The following DCC variants were observed in gnomAD, a reference collection of about 807,000 sequenced individuals.
The protein encoded by DCC is DCC netrin 1 receptor.
In DCC, 58 loss-of-function variants were observed where a neutral mutation model predicts 172.5. The observed-to-expected ratio is 0.34, with a 90% CI of 0.27 to 0.42. The LOEUF is 0.42. DCC is among the 10% of genes least tolerant of loss of function. The pLI, the probability that DCC is intolerant of heterozygous loss-of-function variation, is 1.00. For synonymous variants in DCC, 709 were observed against 644.5 expected, an observed-to-expected ratio of 1.10 and a Z score of -1.52; for missense variants, 1,740 against 1,791.0, an observed-to-expected ratio of 0.97 and a Z score of 0.51.
chr18:53,178,535 G>A (rs1174816773), intron 8 of DCC, among the ~76,000 whole-genome samples: 1 of 152,088 alleles, frequency 6.6e-6, no homozygotes, highest in East Asian at 1.9e-4. Flanking sequence ...TGCATTTGTT[G>A]GCAATACTGA....
rs201462887 is a variant in DCC, at chr18:53,050,201, AC to A, written c.986-13099del. 7.2e-3 allele frequency among the ~76,000 whole-genome samples: 1,096 copies of A among 151,956 alleles called. 18 individuals are homozygous for A. Among genetic ancestry groups the A allele is most frequent in the African/African-American group, 0.025 (1,030 of 41,448 alleles). ...GCTGGCAGCAGAGTGGATGGTGCCC[AC>A]CCCCATTGTGGATGGGTCTTCCTGA... On this transcript the variant is annotated intron_variant, in intron 5 of 28. Transcript: ENST00000442544.
intron 1 of DCC, among the ~76,000 whole-genome samples, chr18:52,676,758 G>T (rs1476063394): frequency 6.6e-6 from 1 of 152,062 alleles, no homozygotes; most frequent in African/African-American, 2.4e-5. Context: ...TTCTTCTCTT[G>T]GGTTTGCTTT....
chr18:53,380,783 T>C (rs1248163681), intron 15 of DCC, among the ~76,000 whole-genome samples: 1 of 152,174 alleles, frequency 6.6e-6, no homozygotes, highest in African/African-American at 2.4e-5. Context: ...TCTTCAGGAC[T>C]CCTAGCTCTA....
rs182335876 is a variant in DCC at position 53,211,872 on chromosome 18, A to G, written c.1862-3676A>G. Among the ~76,000 whole-genome samples, 19 of 152,206 alleles carry G rather than the reference A, an allele frequency of 1.2e-4. No individual in the cohort carries two copies. The East Asian group carries it at 3.7e-3, about 29-fold the overall frequency. On this transcript the variant is annotated intron_variant, in intron 11 of 28. Coordinates refer to ENST00000442544, the MANE Select transcript of DCC (RefSeq NM_005215.4). Reference sequence around the variant, plus strand: ...AGAACAGTCTGGCCAACATAGTGAAATTCTGTCTCCAATAAAAATTTAAAA... The same window carrying G: ...AGAACAGTCTGGCCAACATAGTGAAGTTCTGTCTCCAATAAAAATTTAAAA...
At chr18:52,698,665 C>A (rs1416800243) in intron 1 of DCC, among the ~76,000 whole-genome samples, 1 of 152,056 alleles carries the variant, frequency 6.6e-6, no homozygotes, top group Non-Finnish European at 1.5e-5. Context: ...CAATCACAAC[C>A]TCTGCTCACT....
At chr18:52,896,019 A>T (rs182409803) in intron 2 of DCC, among the ~76,000 whole-genome samples, 18 of 152,240 alleles carry the variant, frequency 1.2e-4, no homozygotes, top group Admixed American at 4.6e-4. Flanking sequence ...TCTTGACCTC[A>T]GGTGATTCGC....
At chr18:53,334,731 T>G (rs1396658030) in intron 14 of DCC, among the ~76,000 whole-genome samples, 1 of 152,206 alleles carries the variant, frequency 6.6e-6, no homozygotes, top group African/African-American at 2.4e-5. Context: ...TTGCCAAGGC[T>G]CCTGCATCTT....
chr18:52,957,652 T>C (rs2145561488), intron 5 of DCC, among the ~76,000 whole-genome samples: 1 of 152,290 alleles, frequency 6.6e-6, no homozygotes, highest in African/African-American at 2.4e-5. Flanking sequence ...GAAGGCTCTC[T>C]CACTCCACTG....
chr18:52,616,304 G>T (rs1164985174), intron 1 of DCC, among the ~76,000 whole-genome samples: 1 of 151,986 alleles, frequency 6.6e-6, no homozygotes, highest in Non-Finnish European at 1.5e-5. Flanking sequence ...GGCTAAGTAT[G>T]AGATCTCCGT....
intron 5 of DCC, among the ~76,000 whole-genome samples, chr18:53,028,923 AAGTTTCCC>A (rs1430667251): frequency 2.6e-5 from 4 of 152,184 alleles, no homozygotes. Flanking sequence ...CCTTCTTAGA[AAGTTTCCC>A]AGTTTTTTCT....
At chr18:52,687,829 A>C (rs1224354111) in intron 1 of DCC, among the ~76,000 whole-genome samples, 1 of 152,134 alleles carries the variant, frequency 6.6e-6, no homozygotes, top group Non-Finnish European at 1.5e-5. Flanking sequence ...TGACTGTTCA[A>C]GGGAAACCTG....
chr18:52,783,731 A>G (rs2037599780), intron 2 of DCC, among the ~76,000 whole-genome samples: 1 of 151,900 alleles, frequency 6.6e-6, no homozygotes, highest in African/African-American at 2.4e-5. Context: ...ATGTGTGTGT[A>G]TGTACACACA....
chr18:53,345,814 G>A (rs532170475), intron 15 of DCC, among the ~76,000 whole-genome samples: 1 of 147,772 alleles, frequency 6.8e-6, no homozygotes, highest in Non-Finnish European at 1.5e-5. Context: ...CTGTATTCTT[G>A]ACTCTATGGT....
chr18:53,018,694 A>G (rs2041840858), intron 5 of DCC, among the ~76,000 whole-genome samples: 1 of 152,178 alleles, frequency 6.6e-6, no homozygotes, highest in Non-Finnish European at 1.5e-5. Flanking sequence ...AATTAAATGT[A>G]CAAATGAATA....
At chr18:53,339,583 G>T in intron 14 of DCC, 130 bp from the exon 15 acceptor site, 1 of 774,436 alleles carries the variant, frequency 1.3e-6, no homozygotes, top group Admixed American at 1.9e-5. Context: ...AAAATAAAGA[G>T]TGACTTGGGC....
chr18:52,735,812 C>A (rs952604992), intron 1 of DCC, among the ~76,000 whole-genome samples: 1 of 152,088 alleles, frequency 6.6e-6, no homozygotes, highest in Non-Finnish European at 1.5e-5. Context: ...CCTTGGGCAA[C>A]AACCTTACAG....
chr18:52,811,730 G>A (rs868534426), intron 2 of DCC, among the ~76,000 whole-genome samples: 5 of 151,772 alleles, frequency 3.3e-5, no homozygotes, highest in African/African-American at 1.2e-4. Context: ...TATTTTTATC[G>A]AAGATCTGAA....
At chr18:53,286,797 C>T (rs1191467089) in intron 12 of DCC, among the ~76,000 whole-genome samples, 1 of 152,176 alleles carries the variant, frequency 6.6e-6, no homozygotes, top group Non-Finnish European at 1.5e-5. Context: ...GAAAGTACTT[C>T]CCATTTATGG....
intron 1 of DCC, among the ~76,000 whole-genome samples, chr18:52,350,511 C>T (rs965909011): frequency 6.6e-6 from 1 of 151,774 alleles, no homozygotes; most frequent in African/African-American, 2.4e-5. Flanking sequence ...CATCATCATA[C>T]ACCGGGGCCT....
Sources: allele counts gnomAD v4.1 joint callset (sites outside exome capture counted in the v4.1 genomes callset), GRCh38; gene constraint gnomAD v4.1.1; transcripts MANE v1.5; gene names NCBI Gene and HGNC (gene_info 2026-07-23, HGNC 2026-07-21).